The following HS3ST4 variants were observed in gnomAD, a reference collection of about 807,000 sequenced individuals.
HS3ST4 encodes heparan sulfate-glucosamine 3-sulfotransferase 4.
In HS3ST4, 17 loss-of-function variants were observed where a neutral mutation model predicts 29.2. That is an observed-to-expected ratio of 0.58 (90% confidence interval 0.40 to 0.87). The LOEUF is 0.87. HS3ST4 is among the 40% of genes least tolerant of loss of function. The pLI is 0.00. For synonymous variants in HS3ST4, 314 were observed against 285.7 expected (o/e 1.10, Z -1.00); for missense variants, 627 against 634.5 (o/e 0.99, Z 0.13).
Position 25,692,577 on chromosome 16 carries a change from G to C in HS3ST4, c.160G>C (p.Gly54Arg). 1 of 1,432,144 alleles carries C rather than the reference G, an allele frequency of 7.0e-7. No individual in the cohort carries two copies. Among genetic ancestry groups the C allele is most frequent in the Non-Finnish European group, 9.2e-7 (1 of 1,082,776 alleles). 88.7% of individuals were successfully genotyped at this position (1,432,144 alleles called of 1,614,324 possible). A position where few individuals can be genotyped will look rare whatever the true frequency, so the allele number is the denominator to read the frequency against. ...CACCTACCTGTGCTACAGCCTCCTGGGCGGCTCGGGCTCCCTGCAATTCCC... is the reference window on the plus strand; with the variant it reads ...CACCTACCTGTGCTACAGCCTCCTGCGCGGCTCGGGCTCCCTGCAATTCCC... Reference protein sequence around the residue: ...SVTYLCYSLLGGSGSLQFPLA... With the variant: ...SVTYLCYSLLRGSGSLQFPLA... The change falls in exon 1 of 2, where the codon GGC (glycine) becomes CGC (arginine). Residue 54 changes from glycine (G) to arginine (R), a missense_variant. Gly to Arg is a moderately radical substitution (Grantham distance 125, BLOSUM62 -2). Coordinates refer to ENST00000331351, the MANE Select transcript of HS3ST4 (RefSeq NM_006040.3).
intron 1 of HS3ST4, among the ~76,000 whole-genome samples, chr16:25,867,173 C>T (rs775976473): frequency 6.6e-5 from 10 of 152,098 alleles, no homozygotes; most frequent in Non-Finnish European, 1.0e-4. Flanking sequence ...CCTGTCAGAG[C>T]CTAAACCTTA....
intron 1 of HS3ST4, among the ~76,000 whole-genome samples, chr16:26,065,021 A>T (rs1213718930): frequency 6.6e-6 from 1 of 152,186 alleles, no homozygotes; most frequent in Non-Finnish European, 1.5e-5. Flanking sequence ...TGTGGCTTTG[A>T]TTTACATTTC....
chr16:25,863,594 A>G (rs1327699930), intron 1 of HS3ST4, among the ~76,000 whole-genome samples: 1 of 152,150 alleles, frequency 6.6e-6, no homozygotes, highest in Non-Finnish European at 1.5e-5. Flanking sequence ...GACTAATTAA[A>G]TTAAAGAAAT....
intron 1 of HS3ST4, among the ~76,000 whole-genome samples, chr16:25,714,587 C>T (rs1254073916): frequency 6.6e-6 from 1 of 152,216 alleles, no homozygotes; most frequent in Non-Finnish European, 1.5e-5. Flanking sequence ...CTGGGAAGTA[C>T]TTAAGCCACC....
intron 1 of HS3ST4, among the ~76,000 whole-genome samples, chr16:25,777,128 G>A (rs918427474): frequency 2.6e-5 from 4 of 152,170 alleles, no homozygotes; most frequent in Non-Finnish European, 5.9e-5. Context: ...CCTGAAATGT[G>A]GGTAGGGGTT....
At chr16:25,802,592 T>A (rs1966949661) in intron 1 of HS3ST4, among the ~76,000 whole-genome samples, 1 of 152,150 alleles carries the variant, frequency 6.6e-6, no homozygotes, top group South Asian at 2.1e-4. Context: ...TGCAGATTAA[T>A]TTTGGAATCA....
intron 1 of HS3ST4, among the ~76,000 whole-genome samples, chr16:25,793,098 T>A (rs531749423): frequency 6.6e-6 from 1 of 152,056 alleles, no homozygotes; most frequent in East Asian, 1.9e-4. Context: ...CCTTTGGTTA[T>A]CAACCTGTGG....
chr16:25,903,273 C>CGTGTGTGTGTGT (rs71385584), intron 1 of HS3ST4, among the ~76,000 whole-genome samples: 15 of 58,428 alleles, frequency 2.6e-4, no homozygotes, highest in African/African-American at 7.7e-4. Flanking sequence ...GAAGAATATA[C>CGTGTGTGTGTGT]GTGTGTGTGT....
intron 1 of HS3ST4, among the ~76,000 whole-genome samples, chr16:26,025,046 A>G (rs1243816844): frequency 6.6e-6 from 1 of 151,952 alleles, no homozygotes; most frequent in Non-Finnish European, 1.5e-5. Flanking sequence ...TTTTTTTACT[A>G]AATTTCATCC....
At chr16:25,930,656 T>C (rs1567274850) in intron 1 of HS3ST4, among the ~76,000 whole-genome samples, 1 of 152,176 alleles carries the variant, frequency 6.6e-6, no homozygotes, top group Non-Finnish European at 1.5e-5. Context: ...AATCTTTCTT[T>C]CTCCATCTCT....
chr16:25,692,723 G>T lies in HS3ST4; in HGVS notation c.306G>T (p.Pro102=). The change falls in exon 1 of 2, where the codon CCG becomes CCT. Residue 102 remains proline, a synonymous_variant. Transcript: ENST00000331351. The stretch of plus-strand genomic sequence containing the variant: ...CCTCGCAGCCGCCCGCGCCGCCGCC[G>T]CTGGACAACGCGAGCCACGGGGAGC... ...GAPSQPPAPP[P]LDNASHGEPP... is the part of the protein sequence containing the mutation. The T allele has an allele frequency of 7.9e-7, 1 of 1,259,966 alleles. No homozygotes were observed. The highest frequency in any genetic ancestry group is 9.9e-7 in the Non-Finnish European group (1 of 1,005,420). 78.0% of individuals were successfully genotyped at this position (1,259,966 alleles called of 1,614,324 possible). A position where few individuals can be genotyped will look rare whatever the true frequency, so the allele number is the denominator to read the frequency against.
intron 1 of HS3ST4, among the ~76,000 whole-genome samples, chr16:26,117,694 C>G (rs554677661): frequency 1.3e-5 from 2 of 152,328 alleles, no homozygotes; most frequent in East Asian, 3.9e-4. Flanking sequence ...CCAAGCCCTG[C>G]TTAGCACACC....
intron 1 of HS3ST4, among the ~76,000 whole-genome samples, chr16:26,040,296 C>CTTTTTTTT (rs565233563): frequency 2.9e-5 from 4 of 135,738 alleles, no homozygotes; most frequent in Non-Finnish European, 3.2e-5. Context: ...ATCTTTCTTT[C>CTTTTTTTT]TTTTTTTTTT....
intron 1 of HS3ST4, among the ~76,000 whole-genome samples, chr16:26,003,686 A>G (rs939712773): frequency 8.5e-5 from 13 of 152,208 alleles, no homozygotes; most frequent in Non-Finnish European, 1.5e-4. Context: ...TGGTCAGTGG[A>G]TAAACTGGAG....
intron 1 of HS3ST4, among the ~76,000 whole-genome samples, chr16:25,802,461 C>A (rs139126011): frequency 6.6e-6 from 1 of 151,986 alleles, no homozygotes; most frequent in Non-Finnish European, 1.5e-5. Context: ...CAGTATACAG[C>A]GGCAAATACA....
chr16:26,046,371 G>A (rs1025114256), intron 1 of HS3ST4, among the ~76,000 whole-genome samples: 3 of 151,908 alleles, frequency 2.0e-5, no homozygotes, highest in Admixed American at 6.6e-5. Flanking sequence ...GGCTGGTCCC[G>A]AACTCTTGAC....
rs182843613 is a variant in HS3ST4, at chr16:26,034,263, A to G, written c.735-101349A>G. ...TGGTGGGTTCTCAGTGCAGATGCCCAGTGACCCAGGCAGCATTTAAGGGAG... is the reference window on the plus strand; with the variant it reads ...TGGTGGGTTCTCAGTGCAGATGCCCGGTGACCCAGGCAGCATTTAAGGGAG... On this transcript the variant is annotated intron_variant, in intron 1 of 1. Coordinates refer to ENST00000331351, the MANE Select transcript of HS3ST4 (RefSeq NM_006040.3). Among the ~76,000 whole-genome samples the G allele has an allele frequency of 1.1e-4, 17 of 152,300 alleles. No homozygotes were observed. The East Asian group carries it at 3.3e-3, about 30-fold the overall frequency.
rs1567240195 is a variant in HS3ST4 at position 25,789,440 on chromosome 16, TTCCTTCCTTCCTTCCTTCCTTCC to T, written c.734+96291_734+96313del. ...CTTCCTTCCTTCCTTCCTTCCTTCC[TTCCTTCCTTCCTTCCTTCCTTCC>T]TTCCTTCTTTCTTTCTTTCTCTTTC... On this transcript the variant is annotated intron_variant, in intron 1 of 1. Transcript: ENST00000331351. Among the ~76,000 whole-genome samples, 38 of 113,416 alleles carry T rather than the reference TTCCTTCCTTCCTTCCTTCCTTCC, an allele frequency of 3.4e-4. 1 individual carries two copies. Among genetic ancestry groups the T allele is most frequent in the African/African-American group, 9.7e-4 (31 of 32,004 alleles). The allele number at this position is 113,416 out of a possible 152,430, so 74.4% of individuals were successfully genotyped here.
chr16:26,080,586 G>A lies in HS3ST4; in HGVS notation c.735-55026G>A, dbSNP rs138276652. 5.3e-5 allele frequency among the ~76,000 whole-genome samples: 8 copies of A among 152,256 alleles called. No homozygotes were observed. The East Asian group carries it at 1.4e-3, about 26-fold the overall frequency. On this transcript the variant is annotated intron_variant, in intron 1 of 1. Coordinates refer to ENST00000331351, the MANE Select transcript of HS3ST4 (RefSeq NM_006040.3). The stretch of plus-strand genomic sequence containing the variant: ...ACTATCAAGCAGGTCACCAGTGTGG[G>A]CAACGGAAACATAATTCCATTGAGA...
Sources: gnomAD v4.1 joint callset for allele counts (sites outside exome capture counted in the v4.1 genomes callset) on GRCh38, gnomAD v4.1.1 for gene constraint, MANE v1.5 for transcripts, NCBI Gene and HGNC (gene_info 2026-07-23, HGNC 2026-07-21) for gene names.